Variants in NFATC3 observed in about 807,000 individuals in gnomAD.
The protein encoded by NFATC3 is nuclear factor of activated T cells 3, also known as nuclear factor of activated T-cells, cytoplasmic 3.
Under a neutral mutation model 98.6 loss-of-function variants are expected in NFATC3, and 46 were observed. The observed-to-expected ratio is 0.47, with a 90% confidence interval of 0.37 to 0.60. The LOEUF is 0.60. Ranked by LOEUF, NFATC3 falls within the 20% of genes least tolerant of loss-of-function variation. The pLI is 0.00. For synonymous variants in NFATC3, 512 were observed against 472.2 expected, an observed-to-expected ratio of 1.08 and a Z score of -1.09; for missense variants, 1,256 against 1,295.5, an observed-to-expected ratio of 0.97 and a Z score of 0.47.
chr16:68,207,240 G>A (rs2041184521), intron 9 of NFATC3, among the ~76,000 whole-genome samples: 1 of 151,184 alleles, frequency 6.6e-6, no homozygotes. Flanking sequence ...AGCCTGGGAG[G>A]CAAAGGTTGC....
At position 68,191,654 on chromosome 16, in the gene NFATC3, C is replaced by A; in HGVS notation, c.2985C>A (p.His995Gln). The A allele has an allele frequency of 6.2e-7, 1 of 1,614,174 alleles. No homozygotes were observed. The change falls in exon 9 of 10, where the codon CAC becomes CAA. Residue 995 changes from histidine (H) to glutamine (Q), a missense_variant. Physicochemically the swap from His to Gln is conservative, Grantham distance 24. Around this residue, in one of 3 missense-constraint regions of NFATC3, gnomAD observed 636 missense variants for 617.3 expected, o/e 1.03. Transcript: ENST00000346183. ...CTGCACCTTCATCCTTAATATGTCA[C>A]AGTTTGTGTGATCCAGCGTCATTTC... is the stretch of plus-strand genomic sequence containing the variant. ...GLSAPSSLIC[H>Q]SLCDPASFPP...
chr16:68,089,046 C>G (rs59909969), intron 1 of NFATC3: 11 of 985,238 alleles, frequency 1.1e-5, no homozygotes, highest in African/African-American at 3.5e-5. Flanking sequence ...AGGAAATTGA[C>G]GAGAATTGTT....
At chr16:68,163,827 C>T (rs1291802750) in intron 4 of NFATC3, among the ~76,000 whole-genome samples, 1 of 151,692 alleles carries the variant, frequency 6.6e-6, no homozygotes, top group Admixed American at 6.6e-5. Context: ...AGACGCTCCT[C>T]ACTTCCTAGA....
chr16:68,097,815 T>C (rs993721025), intron 1 of NFATC3, among the ~76,000 whole-genome samples: 1 of 152,202 alleles, frequency 6.6e-6, no homozygotes, highest in Non-Finnish European at 1.5e-5. Context: ...TTACCAGATA[T>C]AGTGAACATA....
intron 3 of NFATC3, among the ~76,000 whole-genome samples, chr16:68,141,765 G>A (rs2037764157): frequency 6.6e-6 from 1 of 151,886 alleles, no homozygotes; most frequent in South Asian, 2.1e-4. Context: ...TGGGTTGTCT[G>A]TTTATTGCGA....
In NFATC3 at chr16:68,226,403, G is replaced by A; in HGVS notation, c.3160G>A (p.Gly1054Arg). The A allele has an allele frequency of 6.4e-7, 1 of 1,572,692 alleles. No homozygotes were observed. The highest frequency in any genetic ancestry group is 1.9e-5 in the Admixed American group (1 of 51,608). Residue 1054 changes from glycine to arginine, a missense_variant, in exon 10 of 10, where the codon GGG becomes AGG. Around this residue, in one of 3 missense-constraint regions of NFATC3, gnomAD observed 636 missense variants for 617.3 expected, o/e 1.03. Coordinates refer to ENST00000346183, the MANE Select transcript of NFATC3 (RefSeq NM_173165.3). Reference sequence around the variant, plus strand: ...CCAGATTTCTGTTTCCCAAGGAGCAGGGGTGAGCAGGCAGGCTCCCCTCCC... The same window carrying A: ...CCAGATTTCTGTTTCCCAAGGAGCAAGGGTGAGCAGGCAGGCTCCCCTCCC... The part of the protein sequence containing the change: ...MSQISVSQGA[G>R]VSRQAPLPSP...
At chr16:68,132,109 TTAGA>T (rs1280316259) in intron 3 of NFATC3, among the ~76,000 whole-genome samples, 2 of 152,184 alleles carry the variant, frequency 1.3e-5, no homozygotes, top group African/African-American at 2.4e-5. Context: ...AAAATAGCTT[TTAGA>T]TAGAGAGTAA....
intron 8 of NFATC3, among the ~76,000 whole-genome samples, chr16:68,187,105 C>T (rs1454225671): frequency 6.6e-6 from 1 of 152,224 alleles, no homozygotes; most frequent in Non-Finnish European, 1.5e-5. Flanking sequence ...AGCCACTGCT[C>T]ACAGCCAGGC....
intron 1 of NFATC3, 102 bp downstream of exon 1, chr16:68,085,886 CTGTGTG>C: frequency 1.1e-6 from 1 of 900,246 alleles, no homozygotes; most frequent in Non-Finnish European, 1.6e-6. Context: ...ACCGATAACC[CTGTGTG>C]TGTGTGTGCG....
chr16:68,140,886 A>G (rs1447686256), intron 3 of NFATC3, among the ~76,000 whole-genome samples: 1 of 152,048 alleles, frequency 6.6e-6, no homozygotes, highest in Non-Finnish European at 1.5e-5. Context: ...ATTTCAGTGC[A>G]CCTCTCACCC....
At chr16:68,223,359 C>G (rs564716776) in intron 9 of NFATC3, among the ~76,000 whole-genome samples, 6 of 152,078 alleles carry the variant, frequency 3.9e-5, no homozygotes, top group African/African-American at 1.4e-4. Flanking sequence ...CCTATCTCTA[C>G]AAAAAAAATT....
rs1293367588 is a variant in NFATC3 at position 68,122,323 on chromosome 16, A to T, written c.440A>T (p.Asp147Val). The change falls in exon 2 of 10, where the codon GAT (aspartate) becomes GTT (valine). Residue 147 changes from aspartate (D) to valine (V), a missense_variant. This residue lies in a region of NFATC3 where 464 missense variants were observed against 465.7 expected (regional missense o/e 1.00). Coordinates refer to ENST00000346183, the MANE Select transcript of NFATC3 (RefSeq NM_173165.3). ...GAATTTTTGGAAAGGCCTTCTAGAG[A>T]TCATCTCTATCTTCCTCTTGAGCCA... ...EREFLERPSR[D>V]HLYLPLEPSY... The T allele has an allele frequency of 6.2e-7, 1 of 1,614,064 alleles. No individual in the cohort carries two copies. The highest frequency in any genetic ancestry group is 1.1e-5 in the South Asian group (1 of 91,080).
intron 9 of NFATC3, among the ~76,000 whole-genome samples, chr16:68,192,470 G>A (rs2040486697): frequency 6.6e-6 from 1 of 151,662 alleles, no homozygotes; most frequent in African/African-American, 2.4e-5. Context: ...AGTGTCTAGA[G>A]AATGGAATTC....
At chr16:68,117,107 A>G (rs2036319346) in intron 1 of NFATC3, among the ~76,000 whole-genome samples, 1 of 152,212 alleles carries the variant, frequency 6.6e-6, no homozygotes, top group Non-Finnish European at 1.5e-5. Flanking sequence ...AGAGGATCTG[A>G]ACAAGGGGCC....
chr16:68,103,971 A>G (rs148846361), intron 1 of NFATC3, among the ~76,000 whole-genome samples: 42 of 152,238 alleles, frequency 2.8e-4, no homozygotes, highest in African/African-American at 9.9e-4. Flanking sequence ...TGGAGTGTTA[A>G]TCCTACTTTG....
At chr16:68,215,221 T>C (rs974647077) in intron 9 of NFATC3, among the ~76,000 whole-genome samples, 1 of 152,184 alleles carries the variant, frequency 6.6e-6, no homozygotes, top group African/African-American at 2.4e-5. Context: ...TCAGACAAGA[T>C]ACCAAAACCC....
chr16:68,204,571 G>C (rs1442118138), intron 9 of NFATC3, among the ~76,000 whole-genome samples: 1 of 152,278 alleles, frequency 6.6e-6, no homozygotes, highest in East Asian at 1.9e-4. Context: ...AATTGGGGCA[G>C]ACATTTGAAT....
chr16:68,101,865 C>G (rs1020896284), intron 1 of NFATC3, among the ~76,000 whole-genome samples: 1 of 152,102 alleles, frequency 6.6e-6, no homozygotes, highest in African/African-American at 2.4e-5. Context: ...GGAGACTTTC[C>G]TTTCTCTCAG....
intron 4 of NFATC3, among the ~76,000 whole-genome samples, chr16:68,164,267 C>T (rs372441198): frequency 3.9e-5 from 6 of 152,196 alleles, no homozygotes; most frequent in Admixed American, 2.0e-4. Context: ...TCAGGTGTGG[C>T]GGCGTGCGCC....
Sources: gnomAD v4.1 joint callset for allele counts (sites outside exome capture counted in the v4.1 genomes callset) on GRCh38, gnomAD v4.1.1 for gene constraint, gnomAD v4.1.1 regional missense constraint, MANE v1.5 for transcripts, NCBI Gene and HGNC (gene_info 2026-07-23, HGNC 2026-07-21) for gene names.